Variants in ANKRD28 observed in about 807,000 individuals in gnomAD.
ANKRD28 encodes ankyrin repeat domain 28.
A neutral mutation model predicts 126.5 loss-of-function variants in ANKRD28; 44 were observed. The ratio of observed to expected loss-of-function variants is 0.35; its 90% CI spans 0.27 to 0.45. The LOEUF (loss-of-function observed/expected upper bound fraction) is 0.45. ANKRD28 is among the 20% of genes least tolerant of loss of function. ANKRD28 has a pLI of 1.00. For synonymous variants in ANKRD28, 442 were observed against 468.5 expected, an observed-to-expected ratio of 0.94 and a Z score of 0.73; for missense variants, 1,110 against 1,316.6, an observed-to-expected ratio of 0.84 and a Z score of 2.43.
chr3:15,706,171 ACGTTGGTGTGCTG>A (rs1357554841), intron 14 of ANKRD28, among the ~76,000 whole-genome samples: 1 of 151,964 alleles, frequency 6.6e-6, no homozygotes, highest in Non-Finnish European at 1.5e-5. Flanking sequence ...TACATGTGCC[ACGTTGGTGTGCTG>A]CACCCATTAA....
At chr3:15,844,604 G>A (rs913277579) in intron 1 of ANKRD28, among the ~76,000 whole-genome samples, 1 of 152,122 alleles carries the variant, frequency 6.6e-6, no homozygotes, top group Non-Finnish European at 1.5e-5. Flanking sequence ...ATATGAACAG[G>A]TTGATTAGTG....
intron 17 of ANKRD28, among the ~76,000 whole-genome samples, chr3:15,691,543 G>T (rs1559344855): frequency 6.6e-6 from 1 of 152,188 alleles, no homozygotes; most frequent in Non-Finnish European, 1.5e-5. Flanking sequence ...AGGACATAAA[G>T]AAATAAATAA....
rs189060907 is a variant in ANKRD28, at chr3:15,834,625, T to C, written c.27+24752A>G. ...CATAAGGATTGTTTACAACAGAATCTGGCAAGACTGGAGAAGGGGACATTT... is the reference window on the plus strand; with the variant it reads ...CATAAGGATTGTTTACAACAGAATCCGGCAAGACTGGAGAAGGGGACATTT... On this transcript the variant is annotated intron_variant, in intron 1 of 27. Transcript: ENST00000399451. 1.8e-3 allele frequency among the ~76,000 whole-genome samples: 270 copies of C among 152,290 alleles called. 2 individuals are homozygous for C. Among genetic ancestry groups the C allele is most frequent in the African/African-American group, 6.3e-3 (263 of 41,572 alleles).
intron 2 of ANKRD28, among the ~76,000 whole-genome samples, chr3:15,768,436 C>T (rs1465306749): frequency 6.6e-6 from 1 of 152,002 alleles, no homozygotes; most frequent in African/African-American, 2.4e-5. Flanking sequence ...CACTTGAGGC[C>T]AGGAGTTCTA....
chr3:15,834,030 G>A (rs1168838019), intron 1 of ANKRD28, among the ~76,000 whole-genome samples: 2 of 151,984 alleles, frequency 1.3e-5, no homozygotes, highest in Non-Finnish European at 2.9e-5. Context: ...CTTTCTGTAG[G>A]TTGTATGTTT....
intron 6 of ANKRD28, among the ~76,000 whole-genome samples, chr3:15,725,391 CT>C (rs1225457075): frequency 2.0e-5 from 3 of 152,138 alleles, no homozygotes; most frequent in Admixed American, 1.3e-4. Context: ...TTCCTTTTGC[CT>C]AGATCTTGTT....
At chr3:15,829,885 C>T (rs1388182807) in intron 1 of ANKRD28, among the ~76,000 whole-genome samples, 1 of 150,436 alleles carries the variant, frequency 6.6e-6, no homozygotes, top group Non-Finnish European at 1.5e-5. Context: ...GCCAAAGAGC[C>T]AAATCTGAAT....
chr3:15,748,259 T>C (rs543835929), intron 4 of ANKRD28, among the ~76,000 whole-genome samples: 1 of 152,190 alleles, frequency 6.6e-6, no homozygotes, highest in Non-Finnish European at 1.5e-5. Flanking sequence ...TACCTTTTTT[T>C]AAAAATCATA....
intron 1 of ANKRD28, among the ~76,000 whole-genome samples, chr3:15,850,996 G>A (rs772839884): frequency 1.3e-5 from 2 of 152,200 alleles, no homozygotes; most frequent in Non-Finnish European, 2.9e-5. Context: ...AGGACATCTA[G>A]CTGGTGTACA....
At chr3:15,791,416 C>T (rs1364496896) in intron 2 of ANKRD28, among the ~76,000 whole-genome samples, 3 of 151,824 alleles carry the variant, frequency 2.0e-5, no homozygotes, top group African/African-American at 7.2e-5. Context: ...CAAAAACAGA[C>T]ACGTGTACCA....
chr3:15,827,868 T>C (rs2061101817), intron 1 of ANKRD28, among the ~76,000 whole-genome samples: 1 of 152,020 alleles, frequency 6.6e-6, no homozygotes, highest in Non-Finnish European at 1.5e-5. Flanking sequence ...CCAGAATATA[T>C]AAAGAAATCC....
intron 2 of ANKRD28, among the ~76,000 whole-genome samples, chr3:15,775,072 T>C (rs1261573499): frequency 2.3e-5 from 3 of 132,366 alleles, no homozygotes; most frequent in African/African-American, 8.7e-5. Context: ...AGATGGAGTT[T>C]CACCATGTTG....
rs2060824067 is a variant in ANKRD28 at position 15,815,959 on chromosome 3, G to C, written c.28-20653C>G. Among the ~76,000 whole-genome samples the C allele has an allele frequency of 6.6e-6, 1 of 152,106 alleles. No individual in the cohort carries two copies. Among genetic ancestry groups the C allele is most frequent in the Non-Finnish European group, 1.5e-5 (1 of 68,030 alleles). ...TTTAAAAAGTTAATGTCTTCCCTGA[G>C]TCATGTATTTTAAACAAAGGTTTCA... On this transcript the variant is annotated intron_variant, in intron 1 of 27. Coordinates refer to the ANKRD28 transcript ENST00000399451. This position sits in a 1 kb window ranked among gnomAD's most constrained non-coding sequence, Gnocchi z 4.1.
chr3:15,678,367 A>G lies in ANKRD28; in HGVS notation c.2562-13T>C. 1 of 1,582,588 alleles carries G rather than the reference A, an allele frequency of 6.3e-7. No individual in the cohort carries two copies. Among genetic ancestry groups the G allele is most frequent in the South Asian group, 1.2e-5 (1 of 85,598 alleles). On this transcript the variant is annotated splice_polypyrimidine_tract_variant and intron_variant, in intron 23 of 27. Coordinates refer to ENST00000683139, the MANE Select transcript of ANKRD28 (RefSeq NM_001349278.2). ...ATGGAGAGGAGTTCTGTGATAAAGA[A>G]AAATTGAAATATATGACTAAATTTG...
At chr3:15,743,545 AACACACACACACACACAC>A (rs4036221) in intron 4 of ANKRD28, among the ~76,000 whole-genome samples, 130 of 140,484 alleles carry the variant, frequency 9.3e-4, no homozygotes, top group East Asian at 5.2e-3. Context: ...GTGGCTTTTT[AACACACACACACACACAC>A]ACACACACAC....
In ANKRD28 at chr3:15,845,323, T is replaced by C. The variant is rs2061508662; in HGVS notation, c.27+14054A>G. On this transcript the variant is annotated intron_variant, in intron 1 of 27. Coordinates refer to the ANKRD28 transcript ENST00000399451. The surrounding 1 kb of genome is among the most constrained non-coding windows in gnomAD (Gnocchi z 4.9). ...AACATTTCTAAAGTATATATATATATATATTCCATATTACATTTATCCCTC... is the reference window on the plus strand; with the variant it reads ...AACATTTCTAAAGTATATATATATACATATTCCATATTACATTTATCCCTC... 6.6e-6 allele frequency among the ~76,000 whole-genome samples: 1 copy of C among 152,128 alleles called. No individual in the cohort carries two copies. Among genetic ancestry groups the C allele is most frequent in the Non-Finnish European group, 1.5e-5 (1 of 68,030 alleles).
chr3:15,847,058 T>C (rs2061546142), intron 1 of ANKRD28, among the ~76,000 whole-genome samples: 1 of 152,156 alleles, frequency 6.6e-6, no homozygotes, highest in African/African-American at 2.4e-5. Context: ...ACACAGATTC[T>C]GGGGCATTAC....
chr3:15,672,822 C>G (rs537200951), intron 27 of ANKRD28, among the ~76,000 whole-genome samples: 6 of 152,330 alleles, frequency 3.9e-5, no homozygotes, highest in African/African-American at 1.4e-4. Flanking sequence ...GTCACCCAGG[C>G]TAGAGTGCAC....
chr3:15,687,087 C>T (rs759150399), intron 18 of ANKRD28, among the ~76,000 whole-genome samples: 11 of 151,848 alleles, frequency 7.2e-5, no homozygotes, highest in Non-Finnish European at 1.5e-4. Context: ...GGATTACAGG[C>T]GCCTGCCACC....
Sources: allele counts gnomAD v4.1 joint callset (sites outside exome capture counted in the v4.1 genomes callset), GRCh38; gene constraint gnomAD v4.1.1; non-coding constraint Gnocchi (gnomAD v3.1); transcripts MANE v1.5; gene names NCBI Gene and HGNC (gene_info 2026-07-23, HGNC 2026-07-21).